Variants in IQCM observed in about 807,000 individuals in gnomAD.
IQCM encodes IQ domain-containing protein M.
A neutral mutation model predicts 57.6 loss-of-function variants in IQCM; 45 were observed. The observed-to-expected ratio is 0.78, with a 90% CI of 0.62 to 1.00. The LOEUF (loss-of-function observed/expected upper bound fraction) is 1.00. IQCM is among the 50% of genes least tolerant of loss of function. IQCM has a pLI of 0.00. For synonymous variants in IQCM, 148 were observed against 158.9 expected (o/e 0.93, Z 0.51); for missense variants, 468 against 511.6 (o/e 0.91, Z 0.82).
chr4:149,430,846 T>C (rs1234568402), intron 13 of IQCM, among the ~76,000 whole-genome samples: 1 of 152,078 alleles, frequency 6.6e-6, no homozygotes, highest in Non-Finnish European at 1.5e-5. Context: ...TACTTTCTTT[T>C]CTTTGGGATA....
chr4:149,475,480 C>A (rs147238632), intron 12 of IQCM, among the ~76,000 whole-genome samples: 6 of 152,198 alleles, frequency 3.9e-5, no homozygotes, highest in Non-Finnish European at 8.8e-5. Context: ...TGTTGAGAGA[C>A]TCTGGGCTAG....
intron 8 of IQCM, among the ~76,000 whole-genome samples, chr4:149,602,436 T>A (rs1486569420): frequency 6.6e-6 from 1 of 152,206 alleles, no homozygotes; most frequent in Non-Finnish European, 1.5e-5. Flanking sequence ...TGTTTGCGTT[T>A]ATTTTATGGA....
chr4:149,670,267 G>C (rs1761135185), intron 7 of IQCM, among the ~76,000 whole-genome samples: 1 of 152,066 alleles, frequency 6.6e-6, no homozygotes, highest in Admixed American at 6.6e-5. Context: ...CTCACGATTT[G>C]GCTCTCTGTT....
intron 13 of IQCM, among the ~76,000 whole-genome samples, chr4:149,383,356 T>C (rs1193357400): frequency 1.3e-5 from 2 of 152,146 alleles, no homozygotes; most frequent in African/African-American, 4.8e-5. Flanking sequence ...ACGAATACCT[T>C]AATGGCTCTC....
intron 13 of IQCM, among the ~76,000 whole-genome samples, chr4:149,384,277 T>C (rs889155540): frequency 6.6e-6 from 1 of 151,304 alleles, no homozygotes; most frequent in African/African-American, 2.4e-5. Flanking sequence ...CAAAACATGT[T>C]ACTTTGGCAT....
At chr4:149,717,882 C>T (rs1765132261) in intron 5 of IQCM, among the ~76,000 whole-genome samples, 1 of 152,192 alleles carries the variant, frequency 6.6e-6, no homozygotes, top group South Asian at 2.1e-4. Context: ...TATGGTTGTC[C>T]CTTTCCTAAA....
chr4:149,583,550 T>C (rs569704071), intron 9 of IQCM, among the ~76,000 whole-genome samples: 2 of 151,520 alleles, frequency 1.3e-5, no homozygotes, highest in Non-Finnish European at 3.0e-5. Context: ...GAGGTCATAG[T>C]AATCTACAAA....
chr4:149,752,290 G>A (rs1768524424), intron 2 of IQCM, among the ~76,000 whole-genome samples: 1 of 152,112 alleles, frequency 6.6e-6, no homozygotes, highest in Non-Finnish European at 1.5e-5. Context: ...GGTGGCTCAC[G>A]CCTGTAATCC....
chr4:149,481,701 G>GTTTTTTTTTTTTTTTTTTTGTTTTTTTTT (rs1740841793), intron 12 of IQCM, among the ~76,000 whole-genome samples: 3 of 51,544 alleles, frequency 5.8e-5, no homozygotes, highest in African/African-American at 1.5e-4. Flanking sequence ...TTCCAGTTTT[G>GTTTTTTTTTTTTTTTTTTTGTTTTTTTTT]TTTTTTTTTT....
chr4:149,481,704 T>TTTTTTTTTTTTTTTTTGTTG (rs1560895880), intron 12 of IQCM, among the ~76,000 whole-genome samples: 1 of 134,696 alleles, frequency 7.4e-6, no homozygotes, highest in Non-Finnish European at 1.6e-5. Flanking sequence ...CAGTTTTGTT[T>TTTTTTTTTTTTTTTTTGTTG]TTTTTTTTTT....
At chr4:149,684,613 T>C (rs571509385) in intron 6 of IQCM, among the ~76,000 whole-genome samples, 17 of 151,558 alleles carry the variant, frequency 1.1e-4, no homozygotes, top group African/African-American at 4.1e-4. Context: ...TTATATTATC[T>C]TTTCTTCTGC....
At chr4:149,414,019 C>A (rs1733573736) in intron 13 of IQCM, among the ~76,000 whole-genome samples, 2 of 152,142 alleles carry the variant, frequency 1.3e-5, no homozygotes. Context: ...ATTTCTAGTT[C>A]TAGTATTAAT....
At chr4:149,462,612 C>T (rs1188389567) in intron 12 of IQCM, among the ~76,000 whole-genome samples, 1 of 152,150 alleles carries the variant, frequency 6.6e-6, no homozygotes, top group Non-Finnish European at 1.5e-5. Context: ...CTGTCTTTTC[C>T]TATTTACCTT....
intron 2 of IQCM, among the ~76,000 whole-genome samples, chr4:149,777,885 G>GGTC (rs887394932): frequency 6.6e-6 from 1 of 151,898 alleles, no homozygotes; most frequent in African/African-American, 2.4e-5. Context: ...GAAGTAAAGA[G>GGTC]GTCAGCAATC....
rs145448545 is a variant in IQCM, at chr4:149,537,510, T to C, written c.1228+10945A>G. 6.2e-3 allele frequency among the ~76,000 whole-genome samples: 949 copies of C among 151,898 alleles called. 28 individuals are homozygous for C. The highest frequency in any genetic ancestry group is 0.052 in the Admixed American group (791 of 15,228). ...GTACTAACATAAGTATAATGAGAGT[T>C]AGCAAAGGAAAGGAGAGAGAAGGAA... On this transcript the variant is annotated intron_variant, in intron 12 of 13. Transcript: ENST00000636793.
chr4:149,602,389 C>T (rs1312676447), intron 8 of IQCM, among the ~76,000 whole-genome samples: 2 of 152,078 alleles, frequency 1.3e-5, no homozygotes, highest in African/African-American at 2.4e-5. Flanking sequence ...TCATAGTACC[C>T]TCTTTATTAT....
chr4:149,796,476 C>G (rs1003941688), intron 2 of IQCM, among the ~76,000 whole-genome samples: 1 of 152,124 alleles, frequency 6.6e-6, no homozygotes, highest in South Asian at 2.1e-4. Flanking sequence ...CTGCCAGAAA[C>G]CTGGGGAACC....
At chr4:149,399,627 T>C (rs574978939) in intron 13 of IQCM, among the ~76,000 whole-genome samples, 1 of 152,210 alleles carries the variant, frequency 6.6e-6, no homozygotes, top group East Asian at 1.9e-4. Context: ...TCTTCAAAAA[T>C]GGGCAACTTC....
chr4:149,643,129 T>C (rs1378540613), intron 7 of IQCM, among the ~76,000 whole-genome samples: 1 of 152,148 alleles, frequency 6.6e-6, no homozygotes, highest in East Asian at 1.9e-4. Flanking sequence ...CAACATAGCA[T>C]GGTTTTCTTT....
Sources: gnomAD v4.1 joint callset for allele counts (sites outside exome capture counted in the v4.1 genomes callset) on GRCh38, gnomAD v4.1.1 for gene constraint, MANE v1.5 for transcripts, NCBI Gene and HGNC (gene_info 2026-07-23, HGNC 2026-07-21) for gene names.